Variants in BRINP3 observed in about 807,000 individuals in gnomAD.
BRINP3 encodes the protein BMP/retinoic acid-inducible neural-specific protein 3.
BRINP3 carries 19 observed loss-of-function variants against 71.0 expected under a neutral mutation model. That is an observed-to-expected ratio of 0.27 (90% CI 0.19 to 0.39). The LOEUF (loss-of-function observed/expected upper bound fraction) is 0.39, where lower values mean the gene tolerates loss of function less well. BRINP3 is among the 10% of genes least tolerant of loss of function. The pLI is 1.00. For synonymous variants in BRINP3, 380 were observed against 337.7 expected (o/e 1.13, Z -1.37); for missense variants, 959 against 940.8 (o/e 1.02, Z -0.25).
chr1:190,243,931 T>A (rs1339909877), intron 4 of BRINP3, among the ~76,000 whole-genome samples: 1 of 152,128 alleles, frequency 6.6e-6, no homozygotes, highest in Non-Finnish European at 1.5e-5. Context: ...TTTATTGTTT[T>A]TCTATGCATT....
At chr1:190,216,362 T>C (rs550190096) in intron 6 of BRINP3, among the ~76,000 whole-genome samples, 1 of 151,782 alleles carries the variant, frequency 6.6e-6, no homozygotes, top group African/African-American at 2.4e-5. Context: ...TATATCTTTA[T>C]TCTATACTAT....
At chr1:190,249,777 A>C (rs1310426454) in intron 4 of BRINP3, among the ~76,000 whole-genome samples, 2 of 151,868 alleles carry the variant, frequency 1.3e-5, no homozygotes, top group Admixed American at 1.3e-4. Context: ...AGCAGGCCCC[A>C]AACTTTTCTA....
intron 4 of BRINP3, among the ~76,000 whole-genome samples, chr1:190,245,338 G>A (rs186441062): frequency 1.2e-4 from 18 of 151,066 alleles, no homozygotes; most frequent in African/African-American, 4.1e-4. Context: ...GTAAAAGTCA[G>A]CAGTAATATG....
At chr1:190,256,395 T>C (rs1571533431) in intron 4 of BRINP3, among the ~76,000 whole-genome samples, 1 of 152,188 alleles carries the variant, frequency 6.6e-6, no homozygotes, top group Non-Finnish European at 1.5e-5. Flanking sequence ...GCACATGAGA[T>C]GGGTCTCCTG....
chr1:190,428,459 T>C (rs1406576923), intron 2 of BRINP3, among the ~76,000 whole-genome samples: 3 of 151,942 alleles, frequency 2.0e-5, no homozygotes, highest in African/African-American at 7.2e-5. Context: ...TTTTTTCTAA[T>C]GAAAAAAAGT....
At chr1:190,443,664 T>C (rs913170400) in intron 2 of BRINP3, among the ~76,000 whole-genome samples, 4 of 152,078 alleles carry the variant, frequency 2.6e-5, no homozygotes, top group African/African-American at 9.7e-5. Flanking sequence ...GGACCTCCCT[T>C]TCCGCATTTG....
chr1:190,212,593 T>C (rs767305673), intron 6 of BRINP3, among the ~76,000 whole-genome samples: 9 of 152,166 alleles, frequency 5.9e-5, no homozygotes, highest in Non-Finnish European at 1.0e-4. Context: ...ACATTCTAAC[T>C]GTTTGCAAAT....
intron 6 of BRINP3, among the ~76,000 whole-genome samples, chr1:190,198,757 T>G (rs1052026695): frequency 9.2e-5 from 14 of 152,168 alleles, no homozygotes; most frequent in African/African-American, 3.1e-4. Flanking sequence ...TATCAACATT[T>G]TGGTAAAAAC....
intron 2 of BRINP3, among the ~76,000 whole-genome samples, chr1:190,285,600 AT>A (rs1048147268): frequency 1.4e-4 from 21 of 152,102 alleles, no homozygotes; most frequent in African/African-American, 4.8e-4. Context: ...TGATTTGCTT[AT>A]TTTCTAGTAG....
chr1:190,250,940 G>A (rs1228772813), intron 4 of BRINP3, among the ~76,000 whole-genome samples: 1 of 151,820 alleles, frequency 6.6e-6, no homozygotes, highest in Non-Finnish European at 1.5e-5. Context: ...CCCTTAACTT[G>A]GCATGGTGGC....
At chr1:190,141,331 T>C (rs1007962737) in intron 7 of BRINP3, among the ~76,000 whole-genome samples, 35 of 152,118 alleles carry the variant, frequency 2.3e-4, no homozygotes, top group Middle Eastern at 3.4e-3. Flanking sequence ...CTTCGTTATT[T>C]TCCCAGTAGT....
chr1:190,407,571 C>A (rs1672364738), intron 2 of BRINP3, among the ~76,000 whole-genome samples: 1 of 151,928 alleles, frequency 6.6e-6, no homozygotes, highest in Admixed American at 6.6e-5. Flanking sequence ...AATCAACATT[C>A]AAGAAAAAAC....
chr1:190,215,129 C>T (rs1042068263), intron 6 of BRINP3, among the ~76,000 whole-genome samples: 2 of 151,040 alleles, frequency 1.3e-5, no homozygotes, highest in East Asian at 2.0e-4. Context: ...TCTTGCGTCT[C>T]CCCCAAATAC....
At chr1:190,419,668 G>A (rs181691397) in intron 2 of BRINP3, among the ~76,000 whole-genome samples, 3 of 142,962 alleles carry the variant, frequency 2.1e-5, no homozygotes, top group Admixed American at 7.4e-5. Context: ...GTTTTAAAAC[G>A]TTATATTCAC....
chr1:190,474,596 T>C (rs1677373619), intron 1 of BRINP3: 1 of 152,548 alleles, frequency 6.6e-6, no homozygotes, highest in Non-Finnish European at 1.5e-5. Context: ...CCTAGTCACC[T>C]TTTCCTTCTT....
At chr1:190,142,703 T>C (rs1261256819) in intron 7 of BRINP3, among the ~76,000 whole-genome samples, 1 of 152,076 alleles carries the variant, frequency 6.6e-6, no homozygotes, top group Non-Finnish European at 1.5e-5. Context: ...CAGAAATATT[T>C]TTATACTTGA....
At chr1:190,463,435 A>G (rs985732994) in intron 1 of BRINP3, among the ~76,000 whole-genome samples, 1 of 150,264 alleles carries the variant, frequency 6.7e-6, no homozygotes, top group Non-Finnish European at 1.5e-5. Context: ...AACTACAACT[A>G]AAAAAAAAGG....
chr1:190,476,251 T>TA (rs58413136), intron 1 of BRINP3, among the ~76,000 whole-genome samples: 84,954 of 142,144 alleles, frequency 0.6, 25,757 homozygotes, highest in African/African-American at 0.74. Context: ...TCCCAGAAAT[T>TA]AAAAAAAAAA....
At chr1:190,402,874 A>C (rs1462303486) in intron 2 of BRINP3, among the ~76,000 whole-genome samples, 4 of 152,052 alleles carry the variant, frequency 2.6e-5, no homozygotes, top group Admixed American at 2.6e-4. Flanking sequence ...TAGGAGGCAC[A>C]AGCCAGCATG....
Sources: allele counts gnomAD v4.1 joint callset (sites outside exome capture counted in the v4.1 genomes callset), GRCh38; gene constraint gnomAD v4.1.1; transcripts MANE v1.5; gene names NCBI Gene and HGNC (gene_info 2026-07-23, HGNC 2026-07-21).